The following KCNIP4 variants were observed in gnomAD, a reference collection of about 807,000 sequenced individuals.
The protein encoded by KCNIP4 is potassium voltage-gated channel interacting protein 4.
In KCNIP4, 12 loss-of-function variants were observed where a neutral mutation model predicts 34.0. That is an observed-to-expected ratio of 0.35 (90% CI 0.23 to 0.57). KCNIP4 has a LOEUF of 0.57. Ranked by LOEUF, KCNIP4 falls within the 20% of genes least tolerant of loss-of-function variation. The pLI is 0.83. For missense variants in KCNIP4, 238 were observed against 311.7 expected, an observed-to-expected ratio of 0.76 and a Z score of 1.78; for synonymous variants, 124 against 102.2, an observed-to-expected ratio of 1.21 and a Z score of -1.29.
chr4:21,577,553 C>G (rs1740837795), intron 1 of KCNIP4, among the ~76,000 whole-genome samples: 1 of 152,094 alleles, frequency 6.6e-6, no homozygotes, highest in Non-Finnish European at 1.5e-5. Context: ...ATCGCTTGAA[C>G]CCAGGAGGCG....
chr4:21,404,351 T>C (rs942582457), intron 1 of KCNIP4, among the ~76,000 whole-genome samples: 6 of 152,212 alleles, frequency 3.9e-5, no homozygotes, highest in African/African-American at 1.2e-4. Flanking sequence ...TTCTCTTCCA[T>C]TCCCTCAAGT....
At chr4:21,059,389 C>T (rs929019220) in intron 1 of KCNIP4, among the ~76,000 whole-genome samples, 5 of 152,142 alleles carry the variant, frequency 3.3e-5, no homozygotes, top group Non-Finnish European at 4.4e-5. Flanking sequence ...GGAGCTAGTG[C>T]TTTCCTTCTT....
At chr4:20,791,938 C>T (rs1578628424) in intron 3 of KCNIP4, among the ~76,000 whole-genome samples, 1 of 152,166 alleles carries the variant, frequency 6.6e-6, no homozygotes, top group African/African-American at 2.4e-5. Flanking sequence ...ACAATTGCCA[C>T]CCCACCAGTC....
rs115407168 is a variant in KCNIP4 at position 21,284,641 on chromosome 4, C to T, written c.62-401932G>A. On this transcript the variant is annotated intron_variant, in intron 1 of 8. Transcript: ENST00000382152. ...CTCTAGTCTGATCCATGGAGATCTCCGAGGATAAACAGGAAAGCAGAGTTT... is the reference window on the plus strand; with the variant it reads ...CTCTAGTCTGATCCATGGAGATCTCTGAGGATAAACAGGAAAGCAGAGTTT... 5.1e-3 allele frequency among the ~76,000 whole-genome samples: 770 copies of T among 151,898 alleles called. 4 individuals are homozygous for T. The highest frequency in any genetic ancestry group is 8.5e-3 in the Non-Finnish European group (581 of 67,954).
At chr4:21,598,756 G>C (rs920918665) in intron 1 of KCNIP4, among the ~76,000 whole-genome samples, 3 of 152,006 alleles carry the variant, frequency 2.0e-5, no homozygotes, top group African/African-American at 7.2e-5. Context: ...CTACACATGA[G>C]CACCCTGGTT....
intron 1 of KCNIP4, among the ~76,000 whole-genome samples, chr4:21,390,343 T>C (rs941559296): frequency 1.3e-5 from 2 of 152,206 alleles, no homozygotes; most frequent in African/African-American, 4.8e-5. Flanking sequence ...TTTGTTGCCA[T>C]TGCTTTTGGT....
At chr4:21,250,849 C>T (rs1326259477) in intron 1 of KCNIP4, among the ~76,000 whole-genome samples, 1 of 150,858 alleles carries the variant, frequency 6.6e-6, no homozygotes, top group Non-Finnish European at 1.5e-5. Flanking sequence ...ATATATCAAA[C>T]ATATGTTAAA....
At chr4:21,282,286 A>G (rs971005521) in intron 1 of KCNIP4, among the ~76,000 whole-genome samples, 6 of 152,242 alleles carry the variant, frequency 3.9e-5, no homozygotes, top group Non-Finnish European at 8.8e-5. Flanking sequence ...AGGAAATATT[A>G]TATCACTACC....
At chr4:21,007,405 T>C (rs1738664685) in intron 1 of KCNIP4, among the ~76,000 whole-genome samples, 1 of 152,220 alleles carries the variant, frequency 6.6e-6, no homozygotes, top group African/African-American at 2.4e-5. Flanking sequence ...ACTGTTGTGT[T>C]TACATAGTAG....
intron 1 of KCNIP4, among the ~76,000 whole-genome samples, chr4:21,616,204 T>C (rs989390701): frequency 1.3e-5 from 2 of 152,118 alleles, no homozygotes; most frequent in Non-Finnish European, 2.9e-5. Context: ...CCCTGAAGTG[T>C]TCTTCCTCTA....
chr4:21,805,624 G>C lies in KCNIP4; in HGVS notation c.61+142947C>G, dbSNP rs78709396. Among the ~76,000 whole-genome samples the C allele has an allele frequency of 7.2e-5, 11 of 152,256 alleles. No individual in the cohort carries two copies. In the East Asian group the frequency reaches 2.1e-3, roughly 29 times the overall value. On this transcript the variant is annotated intron_variant, in intron 1 of 8. Coordinates refer to ENST00000382152, the MANE Select transcript of KCNIP4 (RefSeq NM_025221.6). ...GTCCACCTAACAGGAACCCGAGGCT[G>C]TTTACCAAATATCCTGCAGTCTCAC...
intron 1 of KCNIP4, among the ~76,000 whole-genome samples, chr4:21,113,373 T>C (rs892236405): frequency 8.7e-5 from 13 of 149,664 alleles, no homozygotes. Flanking sequence ...TCCCCTCCTG[T>C]CACTTCTGAG....
At position 20,992,884 on chromosome 4, in the gene KCNIP4, C is replaced by T. The variant is rs188749852; in HGVS notation, c.62-110175G>A. Among the ~76,000 whole-genome samples, 40 of 151,894 alleles carry T rather than the reference C, an allele frequency of 2.6e-4. No individual in the cohort carries two copies. In the East Asian group the frequency reaches 7.0e-3, roughly 27 times the overall value. ...CTCTACTAAAAATACAAAAATCAGC[C>T]GGGCGCGGCGGTGGGCACCTGTAAT... is the stretch of plus-strand genomic sequence containing the variant. On this transcript the variant is annotated intron_variant, in intron 1 of 8. Coordinates refer to ENST00000382152, the MANE Select transcript of KCNIP4 (RefSeq NM_025221.6).
intron 1 of KCNIP4, among the ~76,000 whole-genome samples, chr4:21,223,988 A>G (rs1758174078): frequency 6.6e-6 from 1 of 152,090 alleles, no homozygotes; most frequent in Admixed American, 6.6e-5. Flanking sequence ...AATCTTCTCT[A>G]GTCAACCTCA....
chr4:21,105,857 G>A (rs1027876817), intron 1 of KCNIP4, among the ~76,000 whole-genome samples: 2 of 151,596 alleles, frequency 1.3e-5, no homozygotes, highest in Admixed American at 1.3e-4. Context: ...AGATAATCAT[G>A]TAGTTTTTGT....
intron 1 of KCNIP4, among the ~76,000 whole-genome samples, chr4:21,516,418 C>T (rs911857773): frequency 1.3e-5 from 2 of 152,136 alleles, no homozygotes; most frequent in East Asian, 3.9e-4. Flanking sequence ...TTTCCTTTCA[C>T]CCACTGAAAA....
chr4:21,274,205 C>T (rs191735168), intron 1 of KCNIP4, among the ~76,000 whole-genome samples: 2 of 152,262 alleles, frequency 1.3e-5, no homozygotes, highest in Non-Finnish European at 2.9e-5. Context: ...CTTGTAAACC[C>T]TTCCACTTGC....
At chr4:21,243,141 G>T (rs1158786241) in intron 1 of KCNIP4, among the ~76,000 whole-genome samples, 1 of 152,036 alleles carries the variant, frequency 6.6e-6, no homozygotes, top group Non-Finnish European at 1.5e-5. Flanking sequence ...ATTCAAACCA[G>T]TAGCTGATAT....
At chr4:21,541,848 G>A (rs1330817352) in intron 1 of KCNIP4, among the ~76,000 whole-genome samples, 4 of 151,636 alleles carry the variant, frequency 2.6e-5, no homozygotes, top group Non-Finnish European at 2.9e-5. Context: ...TCCTTATGTT[G>A]CTCAGGCTCA....
Sources: allele counts gnomAD v4.1 joint callset (sites outside exome capture counted in the v4.1 genomes callset), GRCh38; gene constraint gnomAD v4.1.1; transcripts MANE v1.5; gene names NCBI Gene and HGNC (gene_info 2026-07-23, HGNC 2026-07-21).